The following FANCD2 variants were observed in gnomAD, a reference collection of about 807,000 sequenced individuals.
FANCD2 encodes the protein FA complementation group D2, also known as Fanconi anemia group D2 protein.
In FANCD2, 131 loss-of-function variants were observed where a neutral mutation model predicts 192.3. The observed-to-expected ratio is 0.68, with a 90% CI of 0.59 to 0.79. FANCD2 has a LOEUF of 0.79. Among genes scored for constraint, FANCD2 ranks in the 30% least tolerant of loss-of-function variants. The pLI, the probability that FANCD2 is intolerant of heterozygous loss-of-function variation, is 0.00. For missense variants in FANCD2, 1,508 were observed against 1,701.6 expected, an observed-to-expected ratio of 0.89 and a Z score of 2.00; for synonymous variants, 524 against 612.5, an observed-to-expected ratio of 0.86 and a Z score of 2.13.
intron 17 of FANCD2, among the ~76,000 whole-genome samples, chr3:10,051,194 A>C (rs1267632318): frequency 1.3e-5 from 2 of 150,212 alleles, no homozygotes; most frequent in Non-Finnish European, 3.0e-5. Flanking sequence ...TCCCGGCTAA[A>C]ACGGTGAAAC....
chr3:10,063,839 T>C lies in FANCD2; in HGVS notation c.1875T>C (p.Pro625=). 1 of 1,614,204 alleles carries C rather than the reference T, an allele frequency of 6.2e-7. No homozygotes were observed. The highest frequency in any genetic ancestry group is 8.5e-7 in the Non-Finnish European group (1 of 1,180,018). The change falls in exon 21 of 44, where the codon CCT becomes CCC. Residue 625 remains proline, a synonymous_variant. Coordinates refer to ENST00000675286, the MANE Select transcript of FANCD2 (RefSeq NM_001018115.3). ...QLVHSCSEQS[P]QASALYYDEF... ...TTCATTCCTGCAGTGAGCAGTCTCC[T>C]CAGGCCTCTGCACTTTACTATGATG...
At chr3:10,029,608 T>C (rs186529436) in intron 2 of FANCD2, among the ~76,000 whole-genome samples, 22 of 152,322 alleles carry the variant, frequency 1.4e-4, no homozygotes, top group Admixed American at 1.3e-3. Context: ...ACTAGGTTTT[T>C]TGGGAACAGG....
intron 17 of FANCD2, among the ~76,000 whole-genome samples, chr3:10,050,373 C>T (rs1039369912): frequency 3.3e-5 from 5 of 152,044 alleles, no homozygotes; most frequent in African/African-American, 1.2e-4. Context: ...GCTTGTAATC[C>T]CAGCACTTTG....
At chr3:10,086,627 G>T (rs192333403) in intron 33 of FANCD2, among the ~76,000 whole-genome samples, 62 of 152,082 alleles carry the variant, frequency 4.1e-4, no homozygotes, top group African/African-American at 1.2e-3. Flanking sequence ...GATTACAGGC[G>T]CATGCTGACA....
intron 24 of FANCD2, 106 bp downstream of exon 24, chr3:10,065,600 C>T (rs2087697468): frequency 2.4e-6 from 2 of 816,514 alleles, no homozygotes; most frequent in Non-Finnish European, 4.3e-6. Context: ...AATTTTCTAA[C>T]TTCAGCAGAA....
intron 14 of FANCD2, among the ~76,000 whole-genome samples, chr3:10,045,088 G>GTTTTTTTTTTTTTTT (rs76340293): frequency 4.7e-5 from 6 of 128,932 alleles, no homozygotes; most frequent in Admixed American, 2.2e-4. Flanking sequence ...CTTTTTAACT[G>GTTTTTTTTTTTTTTT]TTTTTTTTTT....
At chr3:10,026,655 A>G (rs1471555803) in intron 1 of FANCD2, 182 bp downstream of exon 1, 3 of 153,310 alleles carry the variant, frequency 2.0e-5, no homozygotes, top group African/African-American at 7.2e-5. Context: ...AAAATGCGGA[A>G]ACGAGAAAGG....
At chr3:10,041,340 G>T in intron 9 of FANCD2, 1 of 320,610 alleles carries the variant, frequency 3.1e-6, no homozygotes, top group African/African-American at 2.2e-5. Context: ...TCCTTTTTGC[G>T]GGGAAGGATA....
At chr3:10,030,543 C>T (rs897465457) in intron 2 of FANCD2, among the ~76,000 whole-genome samples, 1 of 152,136 alleles carries the variant, frequency 6.6e-6, no homozygotes, top group African/African-American at 2.4e-5. Flanking sequence ...GCTTGCTGAA[C>T]AGTGATTATA....
chr3:10,087,144 C>T lies in FANCD2; in HGVS notation c.3346C>T (p.His1116Tyr), dbSNP rs775247764. The change falls in exon 34 of 44, where the codon CAT (histidine) becomes TAT (tyrosine). Residue 1116 changes from histidine to tyrosine, a missense_variant. His to Tyr is a moderately conservative substitution (Grantham distance 83). Transcript: ENST00000675286. ...PLEELLSQSVHYLQNFHQSIP... is the reference protein window; with the variant it reads ...PLEELLSQSVYYLQNFHQSIP... ...CTTGTCTCCTTACAGCCAGAGCGTC[C>T]ATTACTTGCAGAATTTCCATCAAAG... is the stretch of plus-strand genomic sequence containing the variant. 1 of 1,613,912 alleles carries T rather than the reference C, an allele frequency of 6.2e-7. No individual in the cohort carries two copies.
chr3:10,036,086 CTT>C lies in FANCD2; in HGVS notation c.439-183_439-182del, dbSNP rs532765216. Reference sequence around the variant, plus strand: ...TAGTTGGAAAGAGAATTATACATTTCTTTTTTTTTTTTTTTTTTTGAGTCAGA... The same window carrying C: ...TAGTTGGAAAGAGAATTATACATTTCTTTTTTTTTTTTTTTTTGAGTCAGA... On this transcript the variant is annotated intron_variant, in intron 6 of 43. Coordinates refer to ENST00000675286, the MANE Select transcript of FANCD2 (RefSeq NM_001018115.3). Among the ~76,000 whole-genome samples, 399 of 102,552 alleles carry C rather than the reference CTT, an allele frequency of 3.9e-3. 13 individuals carry two copies. Among genetic ancestry groups the C allele is most frequent in the African/African-American group, 0.014 (333 of 23,992 alleles). 67.3% of individuals were successfully genotyped at this position (102,552 alleles called of 152,430 possible). A position where few individuals can be genotyped will look rare whatever the true frequency, so the allele number is the denominator to read the frequency against.
chr3:10,035,958 A>T (rs2086716980), intron 6 of FANCD2, among the ~76,000 whole-genome samples: 1 of 152,160 alleles, frequency 6.6e-6, no homozygotes, highest in Non-Finnish European at 1.5e-5. Context: ...AGACAAATTA[A>T]GTCTTTGTAT....
intron 32 of FANCD2, chr3:10,083,691 G>C (rs532881551): frequency 6.6e-6 from 1 of 151,930 alleles, no homozygotes; most frequent in African/African-American, 2.4e-5. Flanking sequence ...GATCGAGACC[G>C]TCCTGGCTAA....
Position 10,060,418 on chromosome 3 carries a change from T to G in FANCD2, c.1766+15T>G, listed in dbSNP as rs748023774. 1.3e-5 allele frequency: 21 copies of G among 1,587,602 alleles called. No individual in the cohort carries two copies. The highest frequency in any genetic ancestry group is 1.7e-5 in the Non-Finnish European group (20 of 1,155,894). ...GCGGCAGACAGGTACACGTGGAGATTCTGACTTCTGTGGTTTAAGATCAGT... is the reference window on the plus strand; with the variant it reads ...GCGGCAGACAGGTACACGTGGAGATGCTGACTTCTGTGGTTTAAGATCAGT... On this transcript the variant is annotated intron_variant, in intron 19 of 43. Transcript: ENST00000675286.
chr3:10,043,756 G>A, intron 13 of FANCD2, 73 bp from the exon 14 acceptor site: 1 of 1,339,856 alleles, frequency 7.5e-7, no homozygotes, highest in Non-Finnish European at 1.1e-6. Flanking sequence ...AGATAACAGG[G>A]CATGCTGAAT....
Position 10,049,416 on chromosome 3 carries a change from G to A in FANCD2, c.1456G>A (p.Glu486Lys), listed in dbSNP as rs865862446. ...ALVTHICSGN[E>K]AEVDTALDVL... ...AGTGACCCATATCTGCAGTGGGAATGAAGCTGAAGTTGATACTGCCTTAGA... is the reference window on the plus strand; with the variant it reads ...AGTGACCCATATCTGCAGTGGGAATAAAGCTGAAGTTGATACTGCCTTAGA... The change falls in exon 17 of 44, where the codon GAA becomes AAA. Residue 486 changes from glutamate to lysine, a missense_variant. Transcript: ENST00000675286. 3 of 1,612,366 alleles carry A rather than the reference G, an allele frequency of 1.9e-6. No individual in the cohort carries two copies. The highest frequency in any genetic ancestry group is 2.5e-6 in the Non-Finnish European group (3 of 1,179,168).
chr3:10,101,199 A>C lies in FANCD2; in HGVS notation c.4293A>C (p.Glu1431Asp). ...TCTTTGCCCCTTAGGATGGTGAAGAAGACGAAGTAAGTGCTGGAGAAAAGG... is the reference window on the plus strand; with the variant it reads ...TCTTTGCCCCTTAGGATGGTGAAGACGACGAAGTAAGTGCTGGAGAAAAGG... ...SKSKATEDGE[E>D]DEVSAGEKEQ... Residue 1431 changes from glutamate (E) to aspartate (D), a missense_variant, in exon 44 of 44, where the codon GAA becomes GAC. By Grantham distance (45) the Glu-to-Asp change is conservative. This residue lies in a region of FANCD2 where 796 missense variants were observed against 879.4 expected (regional missense o/e 0.91). Coordinates refer to ENST00000675286, the MANE Select transcript of FANCD2 (RefSeq NM_001018115.3). 3 of 1,613,040 alleles carry C rather than the reference A, an allele frequency of 1.9e-6. No individual in the cohort carries two copies. Among genetic ancestry groups the C allele is most frequent in the African/African-American group, 1.3e-5 (1 of 75,006 alleles).
Position 10,101,741 on chromosome 3 carries a change from A to G in FANCD2, c.*479A>G, listed in dbSNP as rs1440877088. On this transcript the variant is annotated 3_prime_UTR_variant, in exon 44 of 44. Transcript: ENST00000675286. ...TTGTGGACATCATGGATTGTCTAACACCATCACAGTCCCTGGCTCAGGATT... is the reference window on the plus strand; with the variant it reads ...TTGTGGACATCATGGATTGTCTAACGCCATCACAGTCCCTGGCTCAGGATT... 1 of 226,154 alleles carries G rather than the reference A, an allele frequency of 4.4e-6. No homozygotes were observed. The highest frequency in any genetic ancestry group is 8.9e-6 in the Non-Finnish European group (1 of 112,342). 14.0% of individuals were successfully genotyped at this position (226,154 alleles called of 1,614,324 possible).
intron 41 of FANCD2, among the ~76,000 whole-genome samples, chr3:10,095,841 C>G (rs182722558): frequency 2.0e-4 from 31 of 151,964 alleles, no homozygotes; most frequent in African/African-American, 7.5e-4. Flanking sequence ...TACTTACTTC[C>G]TCCTCTGGTT....
Sources: gnomAD v4.1 joint callset for allele counts (sites outside exome capture counted in the v4.1 genomes callset) on GRCh38, gnomAD v4.1.1 for gene constraint, gnomAD v4.1.1 regional missense constraint, MANE v1.5 for transcripts, NCBI Gene and HGNC (gene_info 2026-07-23, HGNC 2026-07-21) for gene names.